Variants in NRG3 observed in about 807,000 individuals in gnomAD.
The protein encoded by NRG3 is pro-neuregulin-3, membrane-bound isoform.
NRG3 carries 31 observed loss-of-function variants against 66.9 expected under a neutral mutation model. The observed-to-expected ratio is 0.46, with a 90% CI of 0.35 to 0.63. NRG3 has a LOEUF of 0.63. NRG3 is among the 20% of genes least tolerant of loss of function. The probability of loss-of-function intolerance (pLI) is 0.00; values close to 1 mark genes in which losing one functional copy is unlikely to be tolerated. For synonymous variants in NRG3, 393 were observed against 359.4 expected (o/e 1.09, Z -1.06); for missense variants, 910 against 878.9 (o/e 1.04, Z -0.45).
intron 2 of NRG3, among the ~76,000 whole-genome samples, chr10:82,716,801 A>G (rs1739388282): frequency 6.6e-6 from 1 of 152,260 alleles, no homozygotes; most frequent in Admixed American, 6.5e-5. Flanking sequence ...GTCTTTATAC[A>G]TAATTTAAAT....
intron 2 of NRG3, among the ~76,000 whole-genome samples, chr10:82,537,806 G>T (rs950844547): frequency 1.3e-5 from 2 of 151,972 alleles, no homozygotes; most frequent in Non-Finnish European, 2.9e-5. Flanking sequence ...TCAGTTTCTG[G>T]TTCCATAAAT....
intron 3 of NRG3, among the ~76,000 whole-genome samples, chr10:82,843,934 G>GTTTTATAAGAGTTTGTT (rs2063184839): frequency 1.3e-5 from 2 of 151,958 alleles, no homozygotes; most frequent in Admixed American, 1.3e-4. Flanking sequence ...AAGTATATAT[G>GTTTTATAAGAGTTTGTT]GCAAAACATA....
intron 3 of NRG3, among the ~76,000 whole-genome samples, chr10:82,840,142 T>A (rs1314582609): frequency 1.3e-5 from 2 of 152,154 alleles, no homozygotes; most frequent in Non-Finnish European, 2.9e-5. Context: ...GCACAAAAAG[T>A]GTTTGATAAA....
intron 1 of NRG3, among the ~76,000 whole-genome samples, chr10:82,304,302 A>G (rs1365705569): frequency 6.6e-6 from 1 of 152,116 alleles, no homozygotes; most frequent in East Asian, 1.9e-4. Context: ...CTGTTTCATA[A>G]CTTTCTATTT....
At chr10:82,041,021 A>G (rs983327502) in intron 1 of NRG3, among the ~76,000 whole-genome samples, 2 of 152,224 alleles carry the variant, frequency 1.3e-5, no homozygotes, top group African/African-American at 4.8e-5. Flanking sequence ...AGCTGATTTT[A>G]GGAAGGACCA....
chr10:82,539,078 G>A (rs2043354605), intron 2 of NRG3, among the ~76,000 whole-genome samples: 1 of 152,218 alleles, frequency 6.6e-6, no homozygotes, highest in Admixed American at 6.5e-5. Context: ...ATAATTCACA[G>A]CAACTTAATA....
intron 1 of NRG3, among the ~76,000 whole-genome samples, chr10:82,051,701 A>C (rs1378432534): frequency 6.6e-6 from 1 of 152,200 alleles, no homozygotes; most frequent in Non-Finnish European, 1.5e-5. Flanking sequence ...TGAAGTAACT[A>C]CAAAAATTGT....
At chr10:82,374,250 T>C (rs1399551081) in intron 2 of NRG3, among the ~76,000 whole-genome samples, 1 of 152,186 alleles carries the variant, frequency 6.6e-6, no homozygotes, top group African/African-American at 2.4e-5. Flanking sequence ...ATGTTAAATA[T>C]GCAAAGAAAC....
intron 2 of NRG3, among the ~76,000 whole-genome samples, chr10:82,387,432 C>T (rs184815149): frequency 9.8e-5 from 15 of 152,288 alleles, no homozygotes; most frequent in East Asian, 7.7e-4. Flanking sequence ...TCTTAGGTGA[C>T]GCATGGACCA....
intron 4 of NRG3, among the ~76,000 whole-genome samples, chr10:82,876,388 G>C (rs970875460): frequency 6.6e-6 from 1 of 152,134 alleles, no homozygotes; most frequent in Non-Finnish European, 1.5e-5. Context: ...CTAGTTGAAG[G>C]ATCAAGACCA....
At chr10:82,712,714 T>C (rs2134410275) in intron 2 of NRG3, among the ~76,000 whole-genome samples, 1 of 152,230 alleles carries the variant, frequency 6.6e-6, no homozygotes, top group African/African-American at 2.4e-5. Context: ...GAGCAAGGTC[T>C]TGAGGACATG....
chr10:82,147,779 G>A (rs947662847), intron 1 of NRG3, among the ~76,000 whole-genome samples: 4 of 152,152 alleles, frequency 2.6e-5, no homozygotes, highest in South Asian at 2.1e-4. Context: ...TTATTTCTGT[G>A]AATGCTCTGA....
intron 1 of NRG3, among the ~76,000 whole-genome samples, chr10:82,146,536 A>G (rs373008183): frequency 3.3e-5 from 5 of 152,084 alleles, no homozygotes; most frequent in East Asian, 3.9e-4. Context: ...TTTCTTCCTA[A>G]AGCTCTATGG....
At chr10:81,911,403 A>G (rs1564650716) in intron 1 of NRG3, among the ~76,000 whole-genome samples, 1 of 152,022 alleles carries the variant, frequency 6.6e-6, no homozygotes, top group Non-Finnish European at 1.5e-5. Flanking sequence ...TTTCCTGGGA[A>G]TCACAGTGTC....
At chr10:82,219,439 A>C (rs1461445835) in intron 1 of NRG3, among the ~76,000 whole-genome samples, 1 of 151,876 alleles carries the variant, frequency 6.6e-6, no homozygotes, top group Non-Finnish European at 1.5e-5. Context: ...AATCTATTTT[A>C]AGATCCACTT....
At chr10:82,262,852 A>G (rs897228937) in intron 1 of NRG3, among the ~76,000 whole-genome samples, 1 of 152,176 alleles carries the variant, frequency 6.6e-6, no homozygotes, top group South Asian at 2.1e-4. Context: ...AGGCTCAGAG[A>G]GTTAAAAAGC....
intron 1 of NRG3, among the ~76,000 whole-genome samples, chr10:81,969,432 G>T (rs1020003748): frequency 1.4e-4 from 22 of 152,262 alleles, no homozygotes; most frequent in Non-Finnish European, 2.9e-4. Flanking sequence ...ACCACATCTG[G>T]CTTTCTTACT....
intron 2 of NRG3, among the ~76,000 whole-genome samples, chr10:82,417,472 G>T (rs567554595): frequency 2.4e-4 from 36 of 152,310 alleles, no homozygotes; most frequent in Non-Finnish European, 2.4e-4. Context: ...TAATGGTAGG[G>T]ACTGTAGGGC....
intron 1 of NRG3, among the ~76,000 whole-genome samples, chr10:82,227,560 G>A (rs531710861): frequency 7.9e-5 from 12 of 152,102 alleles, no homozygotes; most frequent in African/African-American, 2.7e-4. Flanking sequence ...ATTTGAGGTG[G>A]TACACTGATG....
Sources: gnomAD v4.1 joint callset for allele counts (sites outside exome capture counted in the v4.1 genomes callset) on GRCh38, gnomAD v4.1.1 for gene constraint, MANE v1.5 for transcripts, NCBI Gene and HGNC (gene_info 2026-07-23, HGNC 2026-07-21) for gene names.